PRKCZ: variants seen among roughly 807,000 people sequenced by gnomAD.
PRKCZ encodes protein kinase C zeta.
A neutral mutation model predicts 79.5 loss-of-function variants in PRKCZ; 33 were observed. The ratio of observed to expected loss-of-function variants is 0.41; its 90% CI spans 0.31 to 0.55. The LOEUF (loss-of-function observed/expected upper bound fraction) is 0.55. Ranked by LOEUF, PRKCZ falls within the 20% of genes least tolerant of loss-of-function variation. The pLI, the probability that PRKCZ is intolerant of heterozygous loss-of-function variation, is 0.19. For missense variants in PRKCZ, 578 were observed against 813.5 expected (o/e 0.71, Z 3.52); for synonymous variants, 342 against 320.9 (o/e 1.07, Z -0.70).
intron 4 of PRKCZ, chr1:2,074,199 G>C: frequency 6.5e-7 from 1 of 1,550,318 alleles, no homozygotes; most frequent in Non-Finnish European, 8.7e-7. Context: ...CAGATTTTTA[G>C]AAAAATAAGG....
chr1:2,118,348 T>TG (rs1284545352), intron 4 of PRKCZ, among the ~76,000 whole-genome samples: 8 of 149,248 alleles, frequency 5.4e-5, no homozygotes, highest in African/African-American at 2.5e-5. Context: ...TTTTGTTTTT[T>TG]TTTTTTTGAG....
intron 4 of PRKCZ, among the ~76,000 whole-genome samples, chr1:2,089,774 A>G (rs1263905643): frequency 6.6e-6 from 1 of 152,112 alleles, no homozygotes; most frequent in Non-Finnish European, 1.5e-5. Flanking sequence ...GGCGGCTCAC[A>G]CGGCAGAACT....
chr1:2,059,683 C>T (rs376541592), intron 4 of PRKCZ, 92 bp downstream of exon 4: 399 of 1,538,786 alleles, frequency 2.6e-4, no homozygotes, highest in African/African-American at 1.6e-3. Flanking sequence ...GTGCCGTTTT[C>T]GGAGGTTCAC....
chr1:2,160,753 G>A (rs990161566), intron 10 of PRKCZ, among the ~76,000 whole-genome samples: 3 of 152,172 alleles, frequency 2.0e-5, no homozygotes, highest in African/African-American at 7.2e-5. Context: ...ACCCCGGTTC[G>A]CAGAAGTCAG....
At chr1:2,144,690 T>G in intron 6 of PRKCZ, 1 of 1,019,304 alleles carries the variant, frequency 9.8e-7, no homozygotes, top group Non-Finnish European at 1.2e-6. Flanking sequence ...AGGTCTGACC[T>G]AGTAGCATTG....
intron 4 of PRKCZ, among the ~76,000 whole-genome samples, chr1:2,078,170 C>T (rs1662789588): frequency 6.6e-6 from 1 of 152,272 alleles, no homozygotes; most frequent in African/African-American, 2.4e-5. Flanking sequence ...GTCCCCTCCT[C>T]TCTCCTCTGC....
At chr1:2,063,866 G>A (rs1010329300) in intron 4 of PRKCZ, among the ~76,000 whole-genome samples, 8 of 125,928 alleles carry the variant, frequency 6.4e-5, no homozygotes, top group African/African-American at 2.4e-4. Context: ...TTTTTTTTGA[G>A]TTGGAGTCTT....
chr1:2,074,331 G>GGGGGGCTT (rs1661991653), intron 4 of PRKCZ: 4 of 1,540,070 alleles, frequency 2.6e-6, no homozygotes, highest in Non-Finnish European at 3.5e-6. Flanking sequence ...GCTGGGGGCC[G>GGGGGGCTT]GGGGGCTTGG....
chr1:2,082,916 C>T lies in PRKCZ; in HGVS notation c.334+23325C>T, dbSNP rs1168219683. Among the ~76,000 whole-genome samples, 3 of 149,122 alleles carry T rather than the reference C, an allele frequency of 2.0e-5. No individual in the cohort carries two copies. The highest frequency in any genetic ancestry group is 6.6e-5 in the Admixed American group (1 of 15,038). On this transcript the variant is annotated intron_variant, in intron 4 of 17. Coordinates refer to ENST00000378567, the MANE Select transcript of PRKCZ (RefSeq NM_002744.6). The surrounding 1 kb of genome is among the most constrained non-coding windows in gnomAD (Gnocchi z 4.4). ...GGTGGAGAGGGTGGCAGTGAGGGCG[C>T]GAGAGGGTGGAGGGGCGGCATGAGG...
chr1:2,181,007 G>A (rs1352926304), intron 16 of PRKCZ, among the ~76,000 whole-genome samples: 2 of 152,176 alleles, frequency 1.3e-5, no homozygotes, highest in African/African-American at 4.8e-5. Flanking sequence ...TGCCCAGCAC[G>A]TGGGGCTCGT....
At chr1:2,108,541 C>T (rs780754500) in intron 4 of PRKCZ, among the ~76,000 whole-genome samples, 12 of 152,248 alleles carry the variant, frequency 7.9e-5, no homozygotes, top group African/African-American at 2.9e-4. Context: ...GTTGGCCTCG[C>T]GCGGCCATGT....
intron 7 of PRKCZ, among the ~76,000 whole-genome samples, chr1:2,148,613 C>T (rs566897119): frequency 7.9e-5 from 12 of 152,220 alleles, no homozygotes; most frequent in African/African-American, 2.9e-4. Flanking sequence ...AATCCGGTGA[C>T]GAATTATTTG....
At chr1:2,103,315 G>T (rs1296074385) in intron 4 of PRKCZ, among the ~76,000 whole-genome samples, 1 of 152,224 alleles carries the variant, frequency 6.6e-6, no homozygotes, top group African/African-American at 2.4e-5. Context: ...GGCTTCCCCG[G>T]GAGAGCGGCC....
At chr1:2,171,817 A>G (rs1033348235) in intron 11 of PRKCZ, among the ~76,000 whole-genome samples, 3 of 152,104 alleles carry the variant, frequency 2.0e-5, no homozygotes, top group African/African-American at 7.2e-5. Context: ...AGGCTGCCAC[A>G]TCGTTCTCTG....
intron 10 of PRKCZ, 151 bp from the exon 11 acceptor site, chr1:2,169,367 C>T (rs777364702): frequency 1.2e-5 from 9 of 722,136 alleles, no homozygotes; most frequent in Non-Finnish European, 2.0e-5. Flanking sequence ...CCCCTCTCTG[C>T]TGCCAGGGTG....
intron 4 of PRKCZ, among the ~76,000 whole-genome samples, chr1:2,091,972 A>G (rs1665590149): frequency 6.6e-6 from 1 of 152,248 alleles, no homozygotes; most frequent in Non-Finnish European, 1.5e-5. Flanking sequence ...AGACTCATGT[A>G]GAATGGAAAG....
chr1:2,071,707 G>A (rs896941764), intron 4 of PRKCZ, among the ~76,000 whole-genome samples: 1 of 152,232 alleles, frequency 6.6e-6, no homozygotes, highest in Non-Finnish European at 1.5e-5. Flanking sequence ...GACAGTGGTC[G>A]TGCTGCTGAG....
chr1:2,148,269 TATCC>T (rs1177527478), intron 7 of PRKCZ, among the ~76,000 whole-genome samples: 1 of 149,666 alleles, frequency 6.7e-6, no homozygotes, highest in Non-Finnish European at 1.5e-5. Context: ...CCTCTCCATC[TATCC>T]ATCTATTGTC....
At chr1:2,120,616 G>A (rs940027120) in intron 4 of PRKCZ, among the ~76,000 whole-genome samples, 2 of 151,770 alleles carry the variant, frequency 1.3e-5, no homozygotes, top group Non-Finnish European at 2.9e-5. Flanking sequence ...TTTTCAAATA[G>A]CATCCTGTTC....
Sources: gnomAD v4.1 joint callset for allele counts (sites outside exome capture counted in the v4.1 genomes callset) on GRCh38, gnomAD v4.1.1 for gene constraint, Gnocchi (gnomAD v3.1) non-coding constraint, MANE v1.5 for transcripts, NCBI Gene and HGNC (gene_info 2026-07-23, HGNC 2026-07-21) for gene names.